Variants in ASIC2 observed in about 807,000 individuals in gnomAD.
The protein encoded by ASIC2 is acid-sensing ion channel 2.
In ASIC2, 25 loss-of-function variants were observed where a neutral mutation model predicts 57.3. That is an observed-to-expected ratio of 0.44 (90% confidence interval 0.32 to 0.61). The LOEUF (loss-of-function observed/expected upper bound fraction) is 0.61, where lower values mean the gene tolerates loss of function less well. ASIC2 is among the 20% of genes least tolerant of loss of function. The pLI is 0.06. For missense variants in ASIC2, 641 were observed against 738.1 expected (o/e 0.87, Z 1.52); for synonymous variants, 319 against 307.5 (o/e 1.04, Z -0.39).
At chr17:33,729,714 G>A (rs1468430235) in intron 1 of ASIC2, among the ~76,000 whole-genome samples, 1 of 152,190 alleles carries the variant, frequency 6.6e-6, no homozygotes, top group African/African-American at 2.4e-5. Flanking sequence ...TCACAGGGTT[G>A]CAGTGAGAAG....
At chr17:33,085,627 T>C (rs2141962362) in intron 3 of ASIC2, among the ~76,000 whole-genome samples, 1 of 152,294 alleles carries the variant, frequency 6.6e-6, no homozygotes, top group East Asian at 1.9e-4. Flanking sequence ...ACTTCACTCA[T>C]AGTAGGTATT....
intron 1 of ASIC2, among the ~76,000 whole-genome samples, chr17:33,831,572 C>T (rs1913112377): frequency 7.0e-6 from 1 of 142,250 alleles, no homozygotes; most frequent in South Asian, 2.3e-4. Flanking sequence ...AAATCTTTCT[C>T]TGATCTGAAG....
chr17:33,233,620 GTTT>G (rs1201465242), intron 1 of ASIC2, among the ~76,000 whole-genome samples: 1 of 145,846 alleles, frequency 6.9e-6, no homozygotes, highest in South Asian at 2.2e-4. Flanking sequence ...CTTTCAACTG[GTTT>G]TTTTTTTTCT....
At chr17:33,842,439 C>G (rs536530620) in intron 1 of ASIC2, among the ~76,000 whole-genome samples, 1 of 152,250 alleles carries the variant, frequency 6.6e-6, no homozygotes, top group African/African-American at 2.4e-5. Flanking sequence ...GTGTGTTTAT[C>G]CAACACTTGG....
At chr17:33,203,454 A>G (rs1388407887) in intron 1 of ASIC2, among the ~76,000 whole-genome samples, 1 of 152,170 alleles carries the variant, frequency 6.6e-6, no homozygotes, top group Non-Finnish European at 1.5e-5. Flanking sequence ...TGATGCGAAG[A>G]AATGTTTTCC....
intron 1 of ASIC2, chr17:34,037,875 C>T (rs1281007643): frequency 1.9e-6 from 3 of 1,613,792 alleles, no homozygotes; most frequent in East Asian, 2.2e-5. Context: ...TGTAGGATGT[C>T]TTGCTGAGAC....
intron 3 of ASIC2, among the ~76,000 whole-genome samples, chr17:33,051,744 T>C (rs527369366): frequency 6.6e-6 from 1 of 152,330 alleles, no homozygotes; most frequent in Non-Finnish European, 1.5e-5. Context: ...TCTAGCGCAC[T>C]GCCTATATGA....
chr17:33,911,729 A>G (rs1915466918), intron 1 of ASIC2, among the ~76,000 whole-genome samples: 1 of 152,180 alleles, frequency 6.6e-6, no homozygotes, highest in African/African-American at 2.4e-5. Flanking sequence ...GTGCAATGAA[A>G]TCATTACCTG....
At chr17:33,579,722 A>G (rs62057815) in intron 1 of ASIC2, among the ~76,000 whole-genome samples, 31,223 of 152,062 alleles carry the variant, frequency 0.21, 3,322 homozygotes, top group South Asian at 0.37. Context: ...ACAACTGTTA[A>G]AAGTAGTGCG....
chr17:33,415,898 G>A (rs1279515372), intron 1 of ASIC2, among the ~76,000 whole-genome samples: 1 of 152,202 alleles, frequency 6.6e-6, no homozygotes, highest in East Asian at 1.9e-4. Context: ...TGTTCCGCCT[G>A]GAACCTGTGT....
chr17:33,445,198 G>T (rs1009659621), intron 1 of ASIC2, among the ~76,000 whole-genome samples: 1 of 152,166 alleles, frequency 6.6e-6, no homozygotes, highest in South Asian at 2.1e-4. Flanking sequence ...GGAGGCCAAG[G>T]CGTCTGATCA....
chr17:33,532,522 C>T (rs1915083732), intron 1 of ASIC2, among the ~76,000 whole-genome samples: 1 of 152,160 alleles, frequency 6.6e-6, no homozygotes, highest in South Asian at 2.1e-4. Context: ...TCCTCTCACC[C>T]ACTGACTCTT....
At chr17:33,868,048 T>C (rs993341436) in intron 1 of ASIC2, among the ~76,000 whole-genome samples, 1 of 152,242 alleles carries the variant, frequency 6.6e-6, no homozygotes, top group African/African-American at 2.4e-5. Flanking sequence ...TGAAGCCATT[T>C]GATCTTAGCA....
At chr17:33,284,300 C>A (rs995221331) in intron 1 of ASIC2, among the ~76,000 whole-genome samples, 1 of 152,206 alleles carries the variant, frequency 6.6e-6, no homozygotes, top group Non-Finnish European at 1.5e-5. Context: ...ACCATTTCCT[C>A]ATGCAGGACT....
At chr17:33,312,786 A>G (rs1054363250) in intron 1 of ASIC2, among the ~76,000 whole-genome samples, 3 of 152,168 alleles carry the variant, frequency 2.0e-5, no homozygotes, top group Admixed American at 2.0e-4. Context: ...AAATACAAAA[A>G]TTAGCCAGGC....
chr17:33,214,539 T>C (rs985052954), intron 1 of ASIC2, among the ~76,000 whole-genome samples: 1 of 152,212 alleles, frequency 6.6e-6, no homozygotes, highest in African/African-American at 2.4e-5. Context: ...TTATTGTGTC[T>C]GGGAAGCATA....
At chr17:33,394,285 G>T (rs1323648507) in intron 1 of ASIC2, among the ~76,000 whole-genome samples, 1 of 152,208 alleles carries the variant, frequency 6.6e-6, no homozygotes, top group African/African-American at 2.4e-5. Flanking sequence ...GGTGAGAATG[G>T]TGCCACAGAA....
chr17:33,649,597 TG>T (rs1394235313), intron 1 of ASIC2, among the ~76,000 whole-genome samples: 3 of 152,208 alleles, frequency 2.0e-5, no homozygotes, highest in Non-Finnish European at 4.4e-5. Flanking sequence ...GAGGATCAAG[TG>T]GTAGCAATCA....
At chr17:34,091,292 T>C (rs1598019310) in intron 1 of ASIC2, among the ~76,000 whole-genome samples, 1 of 152,248 alleles carries the variant, frequency 6.6e-6, no homozygotes, top group East Asian at 1.9e-4. Context: ...GAAGATGTGA[T>C]AACCACATCC....
Sources: allele counts gnomAD v4.1 joint callset (sites outside exome capture counted in the v4.1 genomes callset), GRCh38; gene constraint gnomAD v4.1.1; transcripts MANE v1.5; gene names NCBI Gene and HGNC (gene_info 2026-07-23, HGNC 2026-07-21).